Variants in LGI1 observed in about 807,000 individuals in gnomAD.
LGI1 encodes leucine rich glioma inactivated 1.
A neutral mutation model predicts 57.7 loss-of-function variants in LGI1; 11 were observed. That is an observed-to-expected ratio of 0.19 (90% CI 0.12 to 0.32). The LOEUF is 0.32. Ranked by LOEUF, LGI1 falls within the 10% of genes least tolerant of loss-of-function variation. LGI1 has a pLI of 1.00. For missense variants in LGI1, 422 were observed against 661.9 expected (o/e 0.64, Z 3.98); for synonymous variants, 222 against 241.9 (o/e 0.92, Z 0.76).
At chr10:93,779,269 G>A (rs80077370) in intron 4 of LGI1, among the ~76,000 whole-genome samples, 5 of 151,214 alleles carry the variant, frequency 3.3e-5, no homozygotes, top group African/African-American at 9.8e-5. Flanking sequence ...CTGTAGGGAG[G>A]ATGCACAGCC....
intron 4 of LGI1, 109 bp downstream of exon 4, chr10:93,777,726 C>A: frequency 1.2e-6 from 1 of 816,474 alleles, no homozygotes; most frequent in Non-Finnish European, 2.1e-6. Flanking sequence ...ATTTAAGAAA[C>A]CCAAATGACT....
chr10:93,781,174 T>C (rs963482909), intron 4 of LGI1, among the ~76,000 whole-genome samples: 2 of 152,020 alleles, frequency 1.3e-5, no homozygotes, highest in East Asian at 1.9e-4. Context: ...CTGGCTAACA[T>C]GGTGAAACCC....
chr10:93,776,990 C>T (rs1408054838), intron 2 of LGI1: 1 of 246,240 alleles, frequency 4.1e-6, no homozygotes, highest in Non-Finnish European at 7.9e-6. Context: ...CCGCAAAGTA[C>T]CATTGTTTTT....
chr10:93,758,850 A>G lies in LGI1; in HGVS notation c.287+19A>G, dbSNP rs112891310. The G allele has an allele frequency of 6.0e-5, 94 of 1,559,594 alleles. No individual in the cohort carries two copies. The East Asian group carries it at 2.1e-3, about 34-fold the overall frequency. On this transcript the variant is annotated intron_variant, in intron 2 of 7. Coordinates refer to ENST00000371418, the MANE Select transcript of LGI1 (RefSeq NM_005097.4). The surrounding 1 kb of genome is among the most constrained non-coding windows in gnomAD (Gnocchi z 4.7). The stretch of plus-strand genomic sequence containing the variant: ...AGCTCTTGTGAGAAATATTTATATC[A>G]TGACTATTTTTAATATGGCATATAT...
rs566297575 is a variant in LGI1, at chr10:93,785,100, G to T, written c.432-4999G>T. Among the ~76,000 whole-genome samples the T allele has an allele frequency of 3.4e-5, 5 of 148,154 alleles. No homozygotes were observed. In the East Asian group the frequency reaches 5.8e-4, roughly 17 times the overall value. On this transcript the variant is annotated intron_variant, in intron 4 of 7. Transcript: ENST00000371418. ...ATGTGCATATGTAGTGTGTGTATATGTGTGTGTGTGTATCAATAAAAGTAA... is the reference window on the plus strand; with the variant it reads ...ATGTGCATATGTAGTGTGTGTATATTTGTGTGTGTGTATCAATAAAAGTAA...
chr10:93,765,153 G>C (rs1272165488), intron 2 of LGI1: 1 of 152,156 alleles, frequency 6.6e-6, no homozygotes, highest in Non-Finnish European at 1.5e-5. Context: ...CAGGAAACAT[G>C]GGTTTGAAAC....
chr10:93,794,360 C>G (rs1344304625), intron 7 of LGI1, among the ~76,000 whole-genome samples: 1 of 77,180 alleles, frequency 1.3e-5, no homozygotes, highest in Non-Finnish European at 3.1e-5. Flanking sequence ...ATCTGGATCT[C>G]TCTTTTTTTT....
chr10:93,777,734 A>G, intron 4 of LGI1, 117 bp downstream of exon 4: 1 of 756,604 alleles, frequency 1.3e-6, no homozygotes, highest in Non-Finnish European at 2.3e-6. Context: ...AACCCAAATG[A>G]CTTCTCTCCA....
At chr10:93,769,236 C>T (rs2059710146) in intron 2 of LGI1, 1 of 152,206 alleles carries the variant, frequency 6.6e-6, no homozygotes, top group Admixed American at 6.5e-5. Context: ...TTGGCAAGCC[C>T]CTCCAGCTGT....
chr10:93,772,888 A>C (rs1389607726), intron 2 of LGI1: 2 of 152,076 alleles, frequency 1.3e-5, no homozygotes, highest in Non-Finnish European at 2.9e-5. Flanking sequence ...CAGCCTGGGC[A>C]GCATGGTGAA....
In LGI1 at chr10:93,758,749, T is replaced by C. The variant is rs1163755824; in HGVS notation, c.216-11T>C. ...CTGTTTGTTTGTTTTCTCTTTTTTGTTTTCTTTCAGATCCTTTGTGAGATC... is the reference window on the plus strand; with the variant it reads ...CTGTTTGTTTGTTTTCTCTTTTTTGCTTTCTTTCAGATCCTTTGTGAGATC... On this transcript the variant is annotated splice_polypyrimidine_tract_variant and intron_variant, in intron 1 of 7. Transcript: ENST00000371418. This position sits in a 1 kb window ranked among gnomAD's most constrained non-coding sequence, Gnocchi z 4.7. 1 of 1,604,762 alleles carries C rather than the reference T, an allele frequency of 6.2e-7. No homozygotes were observed.
At chr10:93,794,236 A>G (rs1240496302) in intron 7 of LGI1, 1 of 151,484 alleles carries the variant, frequency 6.6e-6, no homozygotes, top group African/African-American at 2.4e-5. Flanking sequence ...CAAAGCTGGT[A>G]TTGAACTCCT....
At chr10:93,767,241 T>C (rs2059689028) in intron 2 of LGI1, 1 of 151,934 alleles carries the variant, frequency 6.6e-6, no homozygotes, top group Non-Finnish European at 1.5e-5. Context: ...TAAACAAAAA[T>C]AGAGAGAAAG....
At position 93,793,333 on chromosome 10, in the gene LGI1, A is replaced by G. The variant is rs2059952185; in HGVS notation, c.821A>G (p.Asn274Ser). 2 of 1,613,834 alleles carry G rather than the reference A, an allele frequency of 1.2e-6. No homozygotes were observed. The highest frequency in any genetic ancestry group is 2.7e-5 in the African/African-American group (2 of 74,922). ...EWDHVEKTFR[N>S]YDNITGTSTV... Reference sequence around the variant, plus strand: ...GACCATGTGGAAAAGACCTTCCGGAATTATGACAACATTACAGGTATGAAA... The same window carrying G: ...GACCATGTGGAAAAGACCTTCCGGAGTTATGACAACATTACAGGTATGAAA... Residue 274 changes from asparagine to serine, a missense_variant, in exon 7 of 8, where the codon AAT (asparagine) becomes AGT (serine). Asn to Ser is a conservative substitution (Grantham distance 46). Transcript: ENST00000371418.
At chr10:93,782,573 A>C (rs2059855547) in intron 4 of LGI1, among the ~76,000 whole-genome samples, 1 of 152,246 alleles carries the variant, frequency 6.6e-6, no homozygotes, top group Non-Finnish European at 1.5e-5. Context: ...AAGTAACTAC[A>C]AAGTGCTCAG....
In LGI1 at chr10:93,797,867, G is replaced by A; in HGVS notation, c.*64G>A. The stretch of plus-strand genomic sequence containing the variant: ...AGTACATGACCCGGATGAACTCAAT[G>A]CATGATGACTCTTCTTATCACACTT... On this transcript the variant is annotated 3_prime_UTR_variant, in exon 8 of 8. Transcript: ENST00000371418. This position sits in a 1 kb window ranked among gnomAD's most constrained non-coding sequence, Gnocchi z 6.5. 1 of 1,071,556 alleles carries A rather than the reference G, an allele frequency of 9.3e-7. No individual in the cohort carries two copies. The highest frequency in any genetic ancestry group is 1.4e-6 in the Non-Finnish European group (1 of 699,020). 66.4% of individuals were successfully genotyped at this position (1,071,556 alleles called of 1,614,324 possible). A position where few individuals can be genotyped will look rare whatever the true frequency, so the allele number is the denominator to read the frequency against.
At chr10:93,772,086 G>A (rs563854886) in intron 2 of LGI1, 7 of 152,014 alleles carry the variant, frequency 4.6e-5, no homozygotes, top group African/African-American at 1.7e-4. Context: ...TAATGAAAAG[G>A]CAAATTGGTA....
chr10:93,769,226 T>G (rs553477966), intron 2 of LGI1: 1 of 152,340 alleles, frequency 6.6e-6, no homozygotes, highest in East Asian at 1.9e-4. Context: ...TCTAAGCAAT[T>G]TGGCAAGCCC....
intron 2 of LGI1, among the ~76,000 whole-genome samples, chr10:93,775,359 A>T (rs1401116331): frequency 6.6e-6 from 1 of 152,094 alleles, no homozygotes; most frequent in Non-Finnish European, 1.5e-5. Context: ...TTGAATATTC[A>T]TCCTTAGTTT....
Sources: allele counts gnomAD v4.1 joint callset (sites outside exome capture counted in the v4.1 genomes callset), GRCh38; gene constraint gnomAD v4.1.1; non-coding constraint Gnocchi (gnomAD v3.1); transcripts MANE v1.5; gene names NCBI Gene and HGNC (gene_info 2026-07-23, HGNC 2026-07-21).